Variants in PITPNM2 observed in about 807,000 individuals in gnomAD.
PITPNM2 encodes the protein membrane-associated phosphatidylinositol transfer protein 2.
Under a neutral mutation model 132.2 loss-of-function variants are expected in PITPNM2, and 35 were observed. The observed-to-expected ratio is 0.26, with a 90% CI of 0.20 to 0.35. The LOEUF (loss-of-function observed/expected upper bound fraction) is 0.35. PITPNM2 is among the 10% of genes least tolerant of loss of function. The pLI is 1.00. For missense variants in PITPNM2, 1,332 were observed against 1,912.0 expected (o/e 0.70, Z 5.66); for synonymous variants, 738 against 799.2 (o/e 0.92, Z 1.29).
chr12:123,000,054 G>T lies in PITPNM2; in HGVS notation c.1224+724C>A, dbSNP rs993820761. Among the ~76,000 whole-genome samples, 5 of 152,332 alleles carry T rather than the reference G, an allele frequency of 3.3e-5. No individual in the cohort carries two copies. The highest frequency in any genetic ancestry group is 2.1e-4 in the South Asian group (1 of 4,826). On this transcript the variant is annotated intron_variant, in intron 10 of 25. Coordinates refer to ENST00000320201, the MANE Select transcript of PITPNM2 (RefSeq NM_020845.3). The surrounding 1 kb of genome is among the most constrained non-coding windows in gnomAD (Gnocchi z 5.4). ...GACCGCAAAGCAGAAAACCACAGGA[G>T]GGGGAGGCTGTGTGGATGTCCCTCC...
intron 2 of PITPNM2, among the ~76,000 whole-genome samples, chr12:123,072,526 G>A (rs1186891242): frequency 6.6e-6 from 1 of 152,192 alleles, no homozygotes; most frequent in African/African-American, 2.4e-5. Context: ...CCTACCATTT[G>A]CAGAGTGACA....
rs1280607485 is a variant in PITPNM2, at chr12:123,095,614, C to T, written c.-96+14771G>A. Among the ~76,000 whole-genome samples, 1 of 152,148 alleles carries T rather than the reference C, an allele frequency of 6.6e-6. No homozygotes were observed. Among genetic ancestry groups the T allele is most frequent in the East Asian group, 1.9e-4 (1 of 5,176 alleles). On this transcript the variant is annotated intron_variant, in intron 2 of 25. Transcript: ENST00000320201. The surrounding 1 kb of genome is among the most constrained non-coding windows in gnomAD (Gnocchi z 5.0). ...TCTGAGTAAAGGCCCTCAACGCTCC[C>T]CTTGGGTTTCAAGGCGACATCTAAG... is the stretch of plus-strand genomic sequence containing the variant.
intron 2 of PITPNM2, among the ~76,000 whole-genome samples, chr12:123,048,708 G>A (rs888239208): frequency 1.3e-5 from 2 of 152,208 alleles, no homozygotes; most frequent in Non-Finnish European, 2.9e-5. Flanking sequence ...CACCGCGCCC[G>A]GCTGGGTAGT....
At chr12:122,990,733 G>A in intron 16 of PITPNM2, 24 bp from the exon 17 acceptor site, 1 of 1,570,134 alleles carries the variant, frequency 6.4e-7, no homozygotes, top group Non-Finnish European at 8.7e-7. Context: ...GGGACCAGAG[G>A]CCAGGTAAGA....
chr12:122,992,545 G>A lies in PITPNM2; in HGVS notation c.2358C>T (p.Pro786=), dbSNP rs1246193687. ...RFHALPPFSV[P]RYQRYPLGDG... ...CCCCCAGCGGGTAGCGTTGGTAGCG[G>A]GGGACGCTGAAAGGCGGCAGGGCGT... The change falls in exon 16 of 26, where the codon CCC becomes CCT. Residue 786 remains proline, a synonymous_variant. Coordinates refer to ENST00000320201, the MANE Select transcript of PITPNM2 (RefSeq NM_020845.3). This position sits in a 1 kb window ranked among gnomAD's most constrained non-coding sequence, Gnocchi z 6.5. 6.2e-7 allele frequency: 1 copy of A among 1,611,428 alleles called. No individual in the cohort carries two copies. The highest frequency in any genetic ancestry group is 8.5e-7 in the Non-Finnish European group (1 of 1,179,572).
chr12:123,051,656 C>A (rs1228585925), intron 2 of PITPNM2, among the ~76,000 whole-genome samples: 1 of 152,200 alleles, frequency 6.6e-6, no homozygotes, highest in Non-Finnish European at 1.5e-5. Context: ...TTCGTGCTGG[C>A]TCTGGCTCTT....
In PITPNM2 at chr12:122,985,909, A is replaced by G; in HGVS notation, c.*118T>C. ...GTGTGGTGCGGCCCGTGTCCTCCAC[A>G]AGGCCCTGGGACAATCTCCCAGGCC... is the stretch of plus-strand genomic sequence containing the variant. On this transcript the variant is annotated 3_prime_UTR_variant, in exon 26 of 26. Transcript: ENST00000320201. The G allele has an allele frequency of 2.0e-6, 2 of 986,888 alleles. No homozygotes were observed. The highest frequency in any genetic ancestry group is 1.4e-6 in the Non-Finnish European group (1 of 734,532). 61.1% of individuals were successfully genotyped at this position (986,888 alleles called of 1,614,324 possible).
chr12:122,996,694 C>T (rs767382469), intron 12 of PITPNM2, 27 bp downstream of exon 12: 1 of 1,610,596 alleles, frequency 6.2e-7, no homozygotes, highest in Non-Finnish European at 8.5e-7. Context: ...CCATCCTCCT[C>T]CCCTCCCCAA....
intron 2 of PITPNM2, among the ~76,000 whole-genome samples, chr12:123,085,923 T>C (rs1410655401): frequency 6.6e-6 from 1 of 152,202 alleles, no homozygotes; most frequent in Non-Finnish European, 1.5e-5. Flanking sequence ...CAGGATGCCC[T>C]GTCTCCCTGG....
chr12:122,990,945 G>A (rs2038162061), intron 16 of PITPNM2, among the ~76,000 whole-genome samples: 1 of 152,138 alleles, frequency 6.6e-6, no homozygotes, highest in African/African-American at 2.4e-5. Flanking sequence ...GCAGGGAGGC[G>A]TGGCAGCTGG....
intron 1 of PITPNM2, among the ~76,000 whole-genome samples, chr12:123,145,119 T>G (rs1332907246): frequency 6.6e-6 from 1 of 151,996 alleles, no homozygotes; most frequent in Non-Finnish European, 1.5e-5. Flanking sequence ...GAAGCTGCAG[T>G]GAGCAATGAT....
At chr12:123,043,679 G>T (rs1196358131) in intron 2 of PITPNM2, among the ~76,000 whole-genome samples, 3 of 152,240 alleles carry the variant, frequency 2.0e-5, no homozygotes, top group Non-Finnish European at 4.4e-5. Flanking sequence ...GGAGTGGGAT[G>T]TTAGAGTTAA....
intron 3 of PITPNM2, among the ~76,000 whole-genome samples, chr12:123,026,675 G>C (rs796159623): frequency 2.4e-4 from 36 of 152,300 alleles, no homozygotes; most frequent in African/African-American, 8.7e-4. Context: ...TTGCTGGGTG[G>C]CTGCGCAGAA....
At position 123,005,362 on chromosome 12, in the gene PITPNM2, G is replaced by A. The variant is rs773549370; in HGVS notation, c.830C>T (p.Ser277Leu). Reference sequence around the variant, plus strand: ...CGGGGGCTCCCCAGAGGTCTGGTCCGAGACGGCTTCGTGCTTGACGAGCTC... The same window carrying A: ...CGGGGGCTCCCCAGAGGTCTGGTCCAAGACGGCTTCGTGCTTGACGAGCTC... ...ATELVKHEAVSDQTSGEPPEP... is the reference protein window; with the variant it reads ...ATELVKHEAVLDQTSGEPPEP... The change falls in exon 7 of 26, where the codon TCG (serine) becomes TTG (leucine). Residue 277 changes from serine to leucine, a missense_variant. Transcript: ENST00000320201. The surrounding 1 kb of genome is among the most constrained non-coding windows in gnomAD (Gnocchi z 6.2). 5.6e-6 allele frequency: 9 copies of A among 1,614,150 alleles called. No individual in the cohort carries two copies. The highest frequency in any genetic ancestry group is 5.3e-5 in the African/African-American group (4 of 75,046).
At chr12:123,143,947 G>A (rs1367290440) in intron 1 of PITPNM2, among the ~76,000 whole-genome samples, 1 of 152,194 alleles carries the variant, frequency 6.6e-6, no homozygotes, top group Non-Finnish European at 1.5e-5. Flanking sequence ...ACACCGTGGG[G>A]GCTGACATGA....
chr12:123,143,161 T>G (rs2043542954), intron 1 of PITPNM2, among the ~76,000 whole-genome samples: 1 of 127,612 alleles, frequency 7.8e-6, no homozygotes, highest in Non-Finnish European at 1.6e-5. Flanking sequence ...AGGGGCTGTC[T>G]AGAGAGACAG....
intron 1 of PITPNM2, among the ~76,000 whole-genome samples, chr12:123,120,196 C>G (rs1224095749): frequency 1.3e-5 from 2 of 152,182 alleles, no homozygotes; most frequent in Non-Finnish European, 2.9e-5. Context: ...AATGCCCCAA[C>G]CAGAGCATTC....
rs1471186090 is a variant in PITPNM2, at chr12:123,009,644, A to G, written c.643+206T>C. 1.3e-5 allele frequency among the ~76,000 whole-genome samples: 2 copies of G among 152,254 alleles called. No individual in the cohort carries two copies. Among genetic ancestry groups the G allele is most frequent in the Non-Finnish European group, 2.9e-5 (2 of 68,044 alleles). ...ACACTGCTTGTCTCTGCAGATGCTC[A>G]GTAAGTATTCATGGATGTTCAAGAT... On this transcript the variant is annotated intron_variant, in intron 6 of 25. Transcript: ENST00000320201. The surrounding 1 kb of genome is among the most constrained non-coding windows in gnomAD (Gnocchi z 4.8).
intron 2 of PITPNM2, among the ~76,000 whole-genome samples, chr12:123,055,023 A>G (rs1045586814): frequency 2.6e-5 from 4 of 152,170 alleles, no homozygotes; most frequent in African/African-American, 7.2e-5. Flanking sequence ...AGATCACACC[A>G]CAGCACTCCA....
Sources: gnomAD v4.1 joint callset for allele counts (sites outside exome capture counted in the v4.1 genomes callset) on GRCh38, gnomAD v4.1.1 for gene constraint, Gnocchi (gnomAD v3.1) non-coding constraint, MANE v1.5 for transcripts, NCBI Gene and HGNC (gene_info 2026-07-23, HGNC 2026-07-21) for gene names.